Variants in SPIDR observed in about 807,000 individuals in gnomAD.
The protein encoded by SPIDR is DNA repair-scaffolding protein.
SPIDR carries 93 observed loss-of-function variants against 104.6 expected under a neutral mutation model. The ratio of observed to expected loss-of-function variants is 0.89; its 90% CI spans 0.75 to 1.06. SPIDR has a LOEUF of 1.06. Among genes scored for constraint, SPIDR ranks in the 50% least tolerant of loss-of-function variants. The pLI, the probability that SPIDR is intolerant of heterozygous loss-of-function variation, is 0.00. For synonymous variants in SPIDR, 431 were observed against 416.9 expected, an observed-to-expected ratio of 1.03 and a Z score of -0.41; for missense variants, 1,154 against 1,111.2, an observed-to-expected ratio of 1.04 and a Z score of -0.55.
rs147153286 is a variant in SPIDR, at chr8:47,631,135, T to C, written c.1544+31939T>C. Among the ~76,000 whole-genome samples, 1,144 of 152,266 alleles carry C rather than the reference T, an allele frequency of 7.5e-3. 15 individuals carry two copies. The highest frequency in any genetic ancestry group is 0.023 in the South Asian group (109 of 4,810). ...CAAAGGTCACATAGGCACTGGATGG[T>C]AGAGGCAGAAAATAAGCCCTTTCTC... On this transcript the variant is annotated intron_variant, in intron 10 of 19. Coordinates refer to ENST00000297423, the MANE Select transcript of SPIDR (RefSeq NM_001080394.4).
chr8:47,598,884 G>C, intron 9 of SPIDR, 62 bp from the exon 10 acceptor site: 2 of 1,601,342 alleles, frequency 1.2e-6, no homozygotes, highest in African/African-American at 1.3e-5. Context: ...CATGTTGCTT[G>C]TTGTTAGCCG....
At chr8:47,600,944 A>G (rs958917735) in intron 10 of SPIDR, among the ~76,000 whole-genome samples, 9 of 152,212 alleles carry the variant, frequency 5.9e-5, no homozygotes, top group Admixed American at 1.3e-4. Context: ...GACTAATCAC[A>G]ACCAATGCAC....
intron 17 of SPIDR, chr8:47,728,707 T>A (rs1276418133): frequency 2.3e-6 from 1 of 433,514 alleles, no homozygotes; most frequent in Non-Finnish European, 4.1e-6. Context: ...TCTGCTCCCC[T>A]CTTCGGCCTC....
intron 8 of SPIDR, among the ~76,000 whole-genome samples, chr8:47,443,975 C>T (rs2070019127): frequency 6.6e-6 from 1 of 152,070 alleles, no homozygotes; most frequent in South Asian, 2.1e-4. Context: ...AATGTCTTGC[C>T]TCCAATTAAT....
chr8:47,502,010 G>A (rs978898580), intron 8 of SPIDR, among the ~76,000 whole-genome samples: 4 of 152,178 alleles, frequency 2.6e-5, no homozygotes, highest in Middle Eastern at 3.2e-3. Flanking sequence ...GATCATGGTC[G>A]ATAAGTTTTT....
At chr8:47,277,669 CTTTTTTTTT>C (rs1209041690) in intron 1 of SPIDR, among the ~76,000 whole-genome samples, 1 of 110,506 alleles carries the variant, frequency 9.0e-6, no homozygotes, top group African/African-American at 3.5e-5. Flanking sequence ...TGTTTAACCT[CTTTTTTTTT>C]TTTTTTTTTT....
intron 8 of SPIDR, among the ~76,000 whole-genome samples, chr8:47,507,841 T>C (rs1296572349): frequency 6.6e-6 from 1 of 152,258 alleles, no homozygotes; most frequent in African/African-American, 2.4e-5. Flanking sequence ...ACTTGCTATA[T>C]AGAGTATTGT....
chr8:47,639,947 A>G (rs2068603672), intron 10 of SPIDR, among the ~76,000 whole-genome samples: 1 of 151,706 alleles, frequency 6.6e-6, no homozygotes, highest in Non-Finnish European at 1.5e-5. Flanking sequence ...AAAAAGAGAG[A>G]TTTATTAATG....
intron 6 of SPIDR, among the ~76,000 whole-genome samples, chr8:47,401,547 A>T (rs1470516537): frequency 6.6e-6 from 1 of 152,218 alleles, no homozygotes; most frequent in East Asian, 1.9e-4. Context: ...CAAACTGGAT[A>T]AAGAGTCCAG....
chr8:47,371,932 C>T (rs1316306003), intron 5 of SPIDR, among the ~76,000 whole-genome samples: 3 of 152,206 alleles, frequency 2.0e-5, no homozygotes, highest in African/African-American at 7.2e-5. Context: ...CATGGTGACT[C>T]TCCAAACATG....
At chr8:47,623,709 C>A (rs1329811982) in intron 10 of SPIDR, among the ~76,000 whole-genome samples, 3 of 152,120 alleles carry the variant, frequency 2.0e-5, no homozygotes, top group Non-Finnish European at 2.9e-5. Context: ...ATATATGCAC[C>A]CAATACAGGA....
At chr8:47,404,447 C>A (rs984822107) in intron 6 of SPIDR, among the ~76,000 whole-genome samples, 1 of 152,152 alleles carries the variant, frequency 6.6e-6, no homozygotes, top group Admixed American at 6.5e-5. Flanking sequence ...TTGCAGTCTA[C>A]CCATCTGACA....
intron 8 of SPIDR, among the ~76,000 whole-genome samples, chr8:47,510,486 A>G (rs2082151126): frequency 6.6e-6 from 1 of 152,200 alleles, no homozygotes; most frequent in Middle Eastern, 3.4e-3. Context: ...TTTGCAATAG[A>G]ACTCTTCTCT....
chr8:47,646,086 A>G (rs527832788), intron 10 of SPIDR, among the ~76,000 whole-genome samples: 1 of 152,332 alleles, frequency 6.6e-6, no homozygotes, highest in East Asian at 1.9e-4. Context: ...TACATGAGGT[A>G]CTCATAGAAA....
chr8:47,444,835 GAT>G (rs1206693800), intron 8 of SPIDR, among the ~76,000 whole-genome samples: 1 of 152,080 alleles, frequency 6.6e-6, no homozygotes, highest in Non-Finnish European at 1.5e-5. Context: ...TGCACAGTGT[GAT>G]ATAGTTTTTA....
At chr8:47,620,517 C>T (rs2064995407) in intron 10 of SPIDR, among the ~76,000 whole-genome samples, 1 of 152,040 alleles carries the variant, frequency 6.6e-6, no homozygotes, top group African/African-American at 2.4e-5. Context: ...ATCCACCCGC[C>T]TCAGCCTCCC....
At chr8:47,473,831 T>C (rs1360579325) in intron 8 of SPIDR, among the ~76,000 whole-genome samples, 2 of 152,162 alleles carry the variant, frequency 1.3e-5, no homozygotes, top group Middle Eastern at 3.2e-3. Flanking sequence ...GGATGGGAAT[T>C]TGTATGCTAG....
chr8:47,718,095 A>C (rs888136131), intron 16 of SPIDR, among the ~76,000 whole-genome samples: 1 of 152,148 alleles, frequency 6.6e-6, no homozygotes, highest in Admixed American at 6.6e-5. Context: ...TATCCAGTCC[A>C]CCCAAGCCAC....
At chr8:47,566,718 T>C (rs1410175985) in intron 8 of SPIDR, among the ~76,000 whole-genome samples, 1 of 152,200 alleles carries the variant, frequency 6.6e-6, no homozygotes, top group Non-Finnish European at 1.5e-5. Context: ...CAGTAGTTAC[T>C]GATCACCTGC....
Sources: allele counts gnomAD v4.1 joint callset (sites outside exome capture counted in the v4.1 genomes callset), GRCh38; gene constraint gnomAD v4.1.1; transcripts MANE v1.5; gene names NCBI Gene and HGNC (gene_info 2026-07-23, HGNC 2026-07-21).